TMEM45A: variants seen among roughly 807,000 people sequenced by gnomAD.
The protein encoded by TMEM45A is transmembrane protein 45A, also known as DNA polymerase-transactivated protein 4.
A neutral mutation model predicts 32.0 loss-of-function variants in TMEM45A; 25 were observed. That is an observed-to-expected ratio of 0.78 (90% CI 0.57 to 1.09). The LOEUF (loss-of-function observed/expected upper bound fraction) is 1.09, where lower values mean the gene tolerates loss of function less well. Ranked by LOEUF, TMEM45A falls within the 50% of genes least tolerant of loss-of-function variation. The pLI is 0.00. For synonymous variants in TMEM45A, 122 were observed against 114.8 expected, an observed-to-expected ratio of 1.06 and a Z score of -0.40; for missense variants, 302 against 325.0, an observed-to-expected ratio of 0.93 and a Z score of 0.54.
At chr3:100,527,012 A>AAATACAT (rs1221374462) in intron 1 of TMEM45A, among the ~76,000 whole-genome samples, 2 of 152,168 alleles carry the variant, frequency 1.3e-5, no homozygotes, top group African/African-American at 4.8e-5. Flanking sequence ...TAGGTATTTA[A>AAATACAT]AATACATAAA....
chr3:100,519,546 G>T, intron 1 of TMEM45A: 1 of 1,550,896 alleles, frequency 6.4e-7, no homozygotes, highest in Non-Finnish European at 8.7e-7. Flanking sequence ...TAACGTGCCT[G>T]ATCTACTGAG....
intron 5 of TMEM45A, among the ~76,000 whole-genome samples, chr3:100,576,549 G>T (rs915939715): frequency 6.6e-5 from 10 of 151,934 alleles, no homozygotes; most frequent in Non-Finnish European, 1.2e-4. Flanking sequence ...GAACCTGGGA[G>T]GTGGAGGTTG....
intron 1 of TMEM45A, among the ~76,000 whole-genome samples, chr3:100,508,466 A>T (rs1708109376): frequency 6.6e-6 from 1 of 152,202 alleles, no homozygotes; most frequent in Admixed American, 6.5e-5. Context: ...ACAATGCTAA[A>T]AATTGTATGG....
intron 1 of TMEM45A, among the ~76,000 whole-genome samples, chr3:100,493,640 T>C (rs1015964782): frequency 1.3e-4 from 19 of 151,966 alleles, no homozygotes; most frequent in Non-Finnish European, 2.4e-4. Context: ...ACTATATACA[T>C]GCTATGTATA....
At chr3:100,551,861 CCTTT>C (rs1476560833) in intron 1 of TMEM45A, among the ~76,000 whole-genome samples, 2 of 152,164 alleles carry the variant, frequency 1.3e-5, no homozygotes, top group African/African-American at 2.4e-5. Flanking sequence ...AAGGAGGACT[CCTTT>C]CTTTCCCCAC....
At chr3:100,569,025 C>T (rs1271172331) in intron 5 of TMEM45A, 58 bp downstream of exon 5, 24 of 1,518,700 alleles carry the variant, frequency 1.6e-5, no homozygotes, top group Non-Finnish European at 2.2e-5. Flanking sequence ...ATTATCAAGA[C>T]TCAGTGGTAT....
At chr3:100,500,439 C>G (rs1353301678) in intron 1 of TMEM45A, among the ~76,000 whole-genome samples, 2 of 152,180 alleles carry the variant, frequency 1.3e-5, no homozygotes, top group African/African-American at 4.8e-5. Flanking sequence ...TTTTCTATAA[C>G]ACGTAACAGT....
At chr3:100,502,984 T>TTCCTCCTTCTCCTCCTCCTCCTTC (rs1708026694) in intron 1 of TMEM45A, among the ~76,000 whole-genome samples, 1 of 150,906 alleles carries the variant, frequency 6.6e-6, no homozygotes, top group Non-Finnish European at 1.5e-5. Flanking sequence ...CCTTCTCCTC[T>TTCCTCCTTCTCCTCCTCCTCCTTC]TCCTCCTTCT....
Position 100,532,490 on chromosome 3 carries a change from C to T in TMEM45A, c.-3-22719C>T, listed in dbSNP as rs138057701. Among the ~76,000 whole-genome samples, 25 of 152,326 alleles carry T rather than the reference C, an allele frequency of 1.6e-4. No homozygotes were observed. The East Asian group carries it at 4.6e-3, about 28-fold the overall frequency. On this transcript the variant is annotated intron_variant, in intron 1 of 5. Transcript: ENST00000323523. ...CTCTGACTCTCTCAGGTGATGCGGC[C>T]GGCCCATATGCCATTCGTTGAGTAA...
rs1706077569 is a variant in TMEM45A at position 100,550,619 on chromosome 3, C to CT, written c.-3-4585dup. On this transcript the variant is annotated intron_variant, in intron 1 of 5. Transcript: ENST00000323523. ...TTCCACCAAGCAAACCATTGCATCT[C>CT]TTTTTCTGGGTTATTGTGAGTTGTT... Among the ~76,000 whole-genome samples the CT allele has an allele frequency of 3.3e-5, 5 of 152,312 alleles. No individual in the cohort carries two copies. The South Asian group carries it at 1.0e-3, about 32-fold the overall frequency.
chr3:100,499,249 A>G (rs545564616), intron 1 of TMEM45A, among the ~76,000 whole-genome samples: 1 of 152,208 alleles, frequency 6.6e-6, no homozygotes, highest in South Asian at 2.1e-4. Flanking sequence ...TTGGTGTCAT[A>G]TCTAAGATAT....
At chr3:100,519,787 T>G (rs1034853179) in intron 1 of TMEM45A, among the ~76,000 whole-genome samples, 8 of 152,362 alleles carry the variant, frequency 5.3e-5, no homozygotes, top group African/African-American at 1.7e-4. Context: ...ATGCTGATGA[T>G]TCTGTAGAAA....
intron 1 of TMEM45A, among the ~76,000 whole-genome samples, chr3:100,503,670 T>A (rs1708037731): frequency 6.6e-6 from 1 of 152,238 alleles, no homozygotes; most frequent in Non-Finnish European, 1.5e-5. Flanking sequence ...AATCTTGCTA[T>A]GAAGCTTTTT....
At chr3:100,552,081 A>G (rs7616292) in intron 1 of TMEM45A, among the ~76,000 whole-genome samples, 5 of 152,150 alleles carry the variant, frequency 3.3e-5, no homozygotes, top group African/African-American at 2.4e-5. Flanking sequence ...AAATTTCATC[A>G]TATCTATGAC....
chr3:100,503,884 G>A (rs952612091), intron 1 of TMEM45A, among the ~76,000 whole-genome samples: 4 of 152,158 alleles, frequency 2.6e-5, no homozygotes, highest in African/African-American at 9.7e-5. Flanking sequence ...TAAATACAGG[G>A]TAGCTTCACT....
At chr3:100,515,534 C>T (rs892966602) in intron 1 of TMEM45A, among the ~76,000 whole-genome samples, 3 of 148,912 alleles carry the variant, frequency 2.0e-5, no homozygotes, top group Non-Finnish European at 3.0e-5. Context: ...TGCTAGATGA[C>T]GAGTTAGTGG....
chr3:100,556,630 A>G, intron 2 of TMEM45A, 130 bp from the exon 3 acceptor site: 1 of 884,544 alleles, frequency 1.1e-6, no homozygotes, highest in South Asian at 1.7e-5. Context: ...CTGTTAGGGA[A>G]CAGCTCAGAG....
intron 1 of TMEM45A, among the ~76,000 whole-genome samples, chr3:100,502,029 C>T (rs1239762917): frequency 6.6e-6 from 1 of 152,086 alleles, no homozygotes. Context: ...AAACAAGACA[C>T]GTTAGTTCCT....
At chr3:100,553,581 A>G (rs1418266589) in intron 1 of TMEM45A, among the ~76,000 whole-genome samples, 1 of 152,186 alleles carries the variant, frequency 6.6e-6, no homozygotes, top group Non-Finnish European at 1.5e-5. Context: ...TGATTGCCTA[A>G]ACCAAAACAG....
Sources: gnomAD v4.1 joint callset for allele counts (sites outside exome capture counted in the v4.1 genomes callset) on GRCh38, gnomAD v4.1.1 for gene constraint, MANE v1.5 for transcripts, NCBI Gene and HGNC (gene_info 2026-07-23, HGNC 2026-07-21) for gene names.